The following AKT3 variants were observed in gnomAD, a reference collection of about 807,000 sequenced individuals.
AKT3 encodes the protein AKT serine/threonine kinase 3.
A neutral mutation model predicts 65.3 loss-of-function variants in AKT3; 15 were observed. That is an observed-to-expected ratio of 0.23 (90% CI 0.15 to 0.35). The LOEUF (loss-of-function observed/expected upper bound fraction) is 0.35, where lower values mean the gene tolerates loss of function less well. AKT3 is among the 10% of genes least tolerant of loss of function. The pLI, the probability that AKT3 is intolerant of heterozygous loss-of-function variation, is 1.00. For synonymous variants in AKT3, 206 were observed against 183.8 expected, an observed-to-expected ratio of 1.12 and a Z score of -0.98; for missense variants, 243 against 576.5, an observed-to-expected ratio of 0.42 and a Z score of 5.92.
At chr1:243,498,543 C>T (rs1462569288), downstream of AKT3, among the ~76,000 whole-genome samples, 1 of 152,222 alleles carries the variant, frequency 6.6e-6, no homozygotes, top group African/African-American at 2.4e-5. Flanking sequence ...TGAGACCACC[C>T]CACTACTCAC....
chr1:243,784,464 T>A (rs1271620419), intron 2 of AKT3, among the ~76,000 whole-genome samples: 1 of 150,988 alleles, frequency 6.6e-6, no homozygotes, highest in Non-Finnish European at 1.5e-5. Context: ...TAAAAACAAA[T>A]TTAGGTCCTA....
At chr1:243,793,815 T>C (rs1360210019) in intron 2 of AKT3, among the ~76,000 whole-genome samples, 2 of 151,516 alleles carry the variant, frequency 1.3e-5, no homozygotes, top group African/African-American at 4.8e-5. Flanking sequence ...CGACTATTTA[T>C]TGACTCCCTA....
At chr1:243,847,877 T>C (rs1318600120) in intron 1 of AKT3, among the ~76,000 whole-genome samples, 1 of 152,174 alleles carries the variant, frequency 6.6e-6, no homozygotes, top group Non-Finnish European at 1.5e-5. Flanking sequence ...TACTCTGACA[T>C]ATACAATTTA....
intron 3 of AKT3, chr1:243,687,994 T>C (rs1429989350): frequency 2.6e-5 from 4 of 152,154 alleles, no homozygotes; most frequent in Non-Finnish European, 5.9e-5. Context: ...TCCATTTGTC[T>C]AAAAATTTGA....
At chr1:243,526,490 C>T (rs1169314433) in intron 12 of AKT3, among the ~76,000 whole-genome samples, 2 of 152,044 alleles carry the variant, frequency 1.3e-5, no homozygotes, top group Non-Finnish European at 2.9e-5. Context: ...CGTCTATCCT[C>T]CAAATCTCCC....
At chr1:243,850,316 C>G (rs1188047334), upstream of AKT3, among the ~76,000 whole-genome samples, 1 of 111,994 alleles carries the variant, frequency 8.9e-6, no homozygotes, top group East Asian at 3.2e-4. Flanking sequence ...GCGGCGGCGG[C>G]GGCGGGAGGG....
rs528750686 is a variant in AKT3 at position 243,837,845 on chromosome 1, C to T, written c.46+5280G>A. ...TGAGCAATAAAGCAAAATATCCACT[C>T]TTACCACTTTTATTCAACAATGTAC... On this transcript the variant is annotated intron_variant, in intron 2 of 13. Coordinates refer to ENST00000673466, the MANE Select transcript of AKT3 (RefSeq NM_005465.7). Among the ~76,000 whole-genome samples, 3 of 152,288 alleles carry T rather than the reference C, an allele frequency of 2.0e-5. No individual in the cohort carries two copies. In the East Asian group the frequency reaches 5.8e-4, roughly 29 times the overall value.
chr1:243,831,898 A>G (rs1461983794), intron 2 of AKT3, among the ~76,000 whole-genome samples: 1 of 152,082 alleles, frequency 6.6e-6, no homozygotes, highest in Non-Finnish European at 1.5e-5. Flanking sequence ...ATCTAAGATC[A>G]GCAAAAAAGA....
At chr1:243,532,195 G>C (rs1162678705) in intron 12 of AKT3, among the ~76,000 whole-genome samples, 3 of 152,092 alleles carry the variant, frequency 2.0e-5, no homozygotes, top group Non-Finnish European at 4.4e-5. Context: ...CCTTATCTCA[G>C]GGGAAAAACT....
At chr1:243,512,986 C>G (rs968826172) in intron 12 of AKT3, among the ~76,000 whole-genome samples, 2 of 152,188 alleles carry the variant, frequency 1.3e-5, no homozygotes, top group Non-Finnish European at 2.9e-5. Flanking sequence ...TAGCCCCTGA[C>G]GTTACATGCA....
chr1:243,820,967 C>G (rs1002626947), intron 2 of AKT3, among the ~76,000 whole-genome samples: 2 of 152,060 alleles, frequency 1.3e-5, no homozygotes, highest in Non-Finnish European at 2.9e-5. Context: ...AGATCAACCC[C>G]AAGACACATA....
intron 2 of AKT3, among the ~76,000 whole-genome samples, chr1:243,736,371 C>T (rs1687842478): frequency 6.6e-6 from 1 of 152,086 alleles, no homozygotes; most frequent in Non-Finnish European, 1.5e-5. Context: ...CATTCAGATT[C>T]CAAAAACCTG....
chr1:243,690,081 T>C (rs1684589484), intron 3 of AKT3, among the ~76,000 whole-genome samples: 2 of 152,156 alleles, frequency 1.3e-5, no homozygotes, highest in Admixed American at 1.3e-4. Flanking sequence ...AAGCATATTG[T>C]CAGGGTGGGA....
chr1:243,772,261 A>C (rs1188111427), intron 2 of AKT3, among the ~76,000 whole-genome samples: 1 of 152,122 alleles, frequency 6.6e-6, no homozygotes, highest in African/African-American at 2.4e-5. Context: ...CAACCTACAG[A>C]ATGGGAGAAA....
At chr1:243,696,431 T>C (rs1361046495) in intron 2 of AKT3, among the ~76,000 whole-genome samples, 1 of 151,922 alleles carries the variant, frequency 6.6e-6, no homozygotes, top group African/African-American at 2.4e-5. Context: ...GCCACCAAAA[T>C]ACACATTTTT....
intron 2 of AKT3, chr1:243,702,894 CA>C (rs1409009658): frequency 6.6e-6 from 1 of 152,114 alleles, no homozygotes; most frequent in East Asian, 1.9e-4. Context: ...CACAAATGTA[CA>C]GTACCATAAA....
intron 2 of AKT3, among the ~76,000 whole-genome samples, chr1:243,826,529 G>C (rs1011149016): frequency 3.9e-5 from 6 of 152,170 alleles, no homozygotes; most frequent in African/African-American, 7.2e-5. Flanking sequence ...CCTAATATAA[G>C]GGACAGTGTG....
chr1:243,799,973 C>T (rs1269376117), intron 2 of AKT3, among the ~76,000 whole-genome samples: 1 of 151,994 alleles, frequency 6.6e-6, no homozygotes, highest in Non-Finnish European at 1.5e-5. Context: ...TGAATTCTGT[C>T]TATAACTTAA....
At position 243,804,235 on chromosome 1, in the gene AKT3, T is replaced by C. The variant is rs1292706556; in HGVS notation, c.46+38890A>G. 2.6e-5 allele frequency among the ~76,000 whole-genome samples: 4 copies of C among 152,214 alleles called. No individual in the cohort carries two copies. In the East Asian group the frequency reaches 7.7e-4, roughly 29 times the overall value. On this transcript the variant is annotated intron_variant, in intron 2 of 13. Transcript: ENST00000673466. ...CAGAGAGAAGCCCTCAGTTAAAAAA[T>C]AACACTACACTGCAAAATTTGAAAC...
Sources: gnomAD v4.1 joint callset for allele counts (sites outside exome capture counted in the v4.1 genomes callset) on GRCh38, gnomAD v4.1.1 for gene constraint, MANE v1.5 for transcripts, NCBI Gene and HGNC (gene_info 2026-07-23, HGNC 2026-07-21) for gene names.